The following ANO2 variants were observed in gnomAD, a reference collection of about 807,000 sequenced individuals.
ANO2 encodes anoctamin-2.
ANO2 carries 101 observed loss-of-function variants against 124.2 expected under a neutral mutation model. The observed-to-expected ratio is 0.81, with a 90% CI of 0.69 to 0.96. ANO2 has a LOEUF of 0.96. Among genes scored for constraint, ANO2 ranks in the 40% least tolerant of loss-of-function variants. ANO2 has a pLI of 0.00. For synonymous variants in ANO2, 486 were observed against 482.5 expected (o/e 1.01, Z -0.09); for missense variants, 1,293 against 1,274.5 (o/e 1.01, Z -0.22).
At position 5,658,157 on chromosome 12, in the gene ANO2, C is replaced by T. The variant is rs1185266852; in HGVS notation, c.1546-10356G>A. On this transcript the variant is annotated intron_variant, in intron 14 of 24. Transcript: ENST00000682330. The surrounding 1 kb of genome is among the most constrained non-coding windows in gnomAD (Gnocchi z 4.3). ...GTATGGTCTAGCCTGGAGGTGGCTGCCTGGGTTCAATTCCCAGCTTGCACG... is the reference window on the plus strand; with the variant it reads ...GTATGGTCTAGCCTGGAGGTGGCTGTCTGGGTTCAATTCCCAGCTTGCACG... Among the ~76,000 whole-genome samples the T allele has an allele frequency of 2.6e-5, 4 of 152,154 alleles. No individual in the cohort carries two copies. Among genetic ancestry groups the T allele is most frequent in the Admixed American group, 2.6e-4 (4 of 15,274 alleles).
intron 14 of ANO2, among the ~76,000 whole-genome samples, chr12:5,696,729 T>C (rs776372485): frequency 6.6e-6 from 1 of 152,130 alleles, no homozygotes; most frequent in South Asian, 2.1e-4. Context: ...CTAAATGAAA[T>C]ATAAGCATAC....
chr12:5,729,568 A>G (rs771235489), intron 14 of ANO2, among the ~76,000 whole-genome samples: 9 of 152,214 alleles, frequency 5.9e-5, no homozygotes, highest in Non-Finnish European at 1.2e-4. Context: ...GGAATGTAAA[A>G]CAATATAGCC....
intron 3 of ANO2, among the ~76,000 whole-genome samples, chr12:5,882,278 A>C (rs1478529075): frequency 6.6e-6 from 1 of 152,188 alleles, no homozygotes; most frequent in Non-Finnish European, 1.5e-5. Flanking sequence ...GGTACACTAG[A>C]AGGAGGTGGA....
intron 3 of ANO2, among the ~76,000 whole-genome samples, chr12:5,868,835 G>C (rs1197051568): frequency 6.6e-6 from 1 of 152,164 alleles, no homozygotes; most frequent in African/African-American, 2.4e-5. Flanking sequence ...ATCTGCAGAT[G>C]ATAACAAACT....
At chr12:5,771,673 G>A (rs1326427075) in intron 10 of ANO2, among the ~76,000 whole-genome samples, 5 of 152,176 alleles carry the variant, frequency 3.3e-5, no homozygotes, top group South Asian at 4.1e-4. Flanking sequence ...CCAGCTACTC[G>A]GGAGGCTGAG....
chr12:5,685,512 C>T (rs996038967), intron 14 of ANO2, among the ~76,000 whole-genome samples: 14 of 152,234 alleles, frequency 9.2e-5, no homozygotes, highest in Non-Finnish European at 1.5e-5. Flanking sequence ...GGGCTGGGCA[C>T]AGTGGCTCAG....
At chr12:5,789,348 C>A (rs528147561) in intron 10 of ANO2, among the ~76,000 whole-genome samples, 2 of 152,340 alleles carry the variant, frequency 1.3e-5, no homozygotes, top group South Asian at 4.1e-4. Context: ...GAAATCATAC[C>A]ATTGCCCTCA....
intron 3 of ANO2, among the ~76,000 whole-genome samples, chr12:5,873,312 C>T (rs1937860765): frequency 6.6e-6 from 1 of 151,348 alleles, no homozygotes; most frequent in Non-Finnish European, 1.5e-5. Context: ...ACTCTGGCCT[C>T]ATGTTGCTCT....
At chr12:5,853,506 A>G (rs1419444468) in intron 4 of ANO2, among the ~76,000 whole-genome samples, 5 of 152,128 alleles carry the variant, frequency 3.3e-5, no homozygotes, top group Non-Finnish European at 5.9e-5. Context: ...ACAGTTTGAA[A>G]ACACTTACCA....
chr12:5,848,588 G>T (rs774784342), intron 4 of ANO2, among the ~76,000 whole-genome samples: 1 of 152,166 alleles, frequency 6.6e-6, no homozygotes, highest in Non-Finnish European at 1.5e-5. Context: ...GCACCACGGG[G>T]CCCCAGCAGT....
At chr12:5,688,810 C>A (rs74056645) in intron 14 of ANO2, among the ~76,000 whole-genome samples, 2 of 119,372 alleles carry the variant, frequency 1.7e-5, no homozygotes, top group African/African-American at 3.1e-5. Flanking sequence ...TGGGAGTATC[C>A]TTTTTTTTTT....
At chr12:5,776,349 T>C (rs145881078) in intron 10 of ANO2, among the ~76,000 whole-genome samples, 29 of 152,352 alleles carry the variant, frequency 1.9e-4, no homozygotes, top group African/African-American at 6.5e-4. Context: ...TCGGCTACCA[T>C]TGCCTGCTCT....
chr12:5,921,335 G>A lies in ANO2; in HGVS notation c.239C>T (p.Pro80Leu), dbSNP rs958181671. 9.9e-6 allele frequency: 16 copies of A among 1,613,832 alleles called. No individual in the cohort carries two copies. The highest frequency in any genetic ancestry group is 1.4e-5 in the Non-Finnish European group (16 of 1,179,864). ...GCTAAGACGGGCCTCCAAGGACACA[G>A]GCTCATTGGCATCCAGATAGTTGTT... ...VINNYLDANEPVSLEARLSRM... is the reference protein window; with the variant it reads ...VINNYLDANELVSLEARLSRM... The change falls in exon 3 of 25, where the codon CCT (proline) becomes CTT (leucine). Residue 80 changes from proline (P) to leucine (L), a missense_variant. Coordinates refer to ENST00000682330, the MANE Select transcript of ANO2 (RefSeq NM_001364791.2).
At position 5,639,996 on chromosome 12, in the gene ANO2, C is replaced by T. The variant is rs115947695; in HGVS notation, c.1621-4649G>A. 1.3e-3 allele frequency among the ~76,000 whole-genome samples: 197 copies of T among 152,168 alleles called. 1 individual carries two copies. Among genetic ancestry groups the T allele is most frequent in the African/African-American group, 4.4e-3 (184 of 41,516 alleles). ...GCACCTAGCTCTAGAGGAGGGACAT[C>T]GCCTCCGACAATTCCCCCCTTACAA... is the stretch of plus-strand genomic sequence containing the variant. On this transcript the variant is annotated intron_variant, in intron 15 of 24. Coordinates refer to ENST00000682330, the MANE Select transcript of ANO2 (RefSeq NM_001364791.2).
rs1210871940 is a variant in ANO2 at position 5,929,187 on chromosome 12, A to G, written c.23-6383T>C. On this transcript the variant is annotated intron_variant, in intron 1 of 24. Coordinates refer to ENST00000682330, the MANE Select transcript of ANO2 (RefSeq NM_001364791.2). ...ACCAGTCTTCCTTCCTTACTAGTCTACCTTCTTTCCTCACTCGTCTACCTT... is the reference window on the plus strand; with the variant it reads ...ACCAGTCTTCCTTCCTTACTAGTCTGCCTTCTTTCCTCACTCGTCTACCTT... Among the ~76,000 whole-genome samples, 2 of 111,954 alleles carry G rather than the reference A, an allele frequency of 1.8e-5. 1 individual carries two copies. The highest frequency in any genetic ancestry group is 8.2e-5 in the African/African-American group (2 of 24,344). The allele number at this position is 111,954 out of a possible 152,430, so 73.4% of individuals were successfully genotyped here.
intron 1 of ANO2, among the ~76,000 whole-genome samples, chr12:5,943,054 T>C (rs756606925): frequency 2.6e-5 from 4 of 152,124 alleles, no homozygotes; most frequent in African/African-American, 4.8e-5. Flanking sequence ...AAAAACAGTA[T>C]GGAGAGTCTT....
intron 14 of ANO2, among the ~76,000 whole-genome samples, chr12:5,690,437 C>T (rs1051249061): frequency 6.6e-6 from 1 of 152,240 alleles, no homozygotes; most frequent in African/African-American, 2.4e-5. Flanking sequence ...GCAACCAAAG[C>T]TCTTGGCCAG....
At chr12:5,689,929 T>C (rs1182045167) in intron 14 of ANO2, among the ~76,000 whole-genome samples, 2 of 152,174 alleles carry the variant, frequency 1.3e-5, no homozygotes, top group Non-Finnish European at 2.9e-5. Context: ...TTATGCAAGA[T>C]GCTGACATAA....
chr12:5,659,614 A>G (rs976110730), intron 14 of ANO2, among the ~76,000 whole-genome samples: 6 of 152,340 alleles, frequency 3.9e-5, no homozygotes, highest in African/African-American at 1.4e-4. Context: ...TTGTGGCTAA[A>G]ATGGAAAACA....
Sources: gnomAD v4.1 joint callset for allele counts (sites outside exome capture counted in the v4.1 genomes callset) on GRCh38, gnomAD v4.1.1 for gene constraint, Gnocchi (gnomAD v3.1) non-coding constraint, MANE v1.5 for transcripts, NCBI Gene and HGNC (gene_info 2026-07-23, HGNC 2026-07-21) for gene names.